The following PARVB variants were observed in gnomAD, a reference collection of about 807,000 sequenced individuals.
The protein encoded by PARVB is beta-parvin.
In PARVB, 46 loss-of-function variants were observed where a neutral mutation model predicts 47.0. The observed-to-expected ratio is 0.98, with a 90% CI of 0.77 to 1.25. The LOEUF is 1.25. PARVB is among the 50% of genes most tolerant of loss of function. The pLI is 0.00. For missense variants in PARVB, 473 were observed against 471.6 expected (o/e 1.00, Z -0.03); for synonymous variants, 196 against 196.3 (o/e 1.00, Z 0.01).
At position 44,155,616 on chromosome 22, in the gene PARVB, C is replaced by T. The variant is rs992159027; in HGVS notation, c.844-2366C>T. ...GGTGCCTTCATTCACGTGGCAGCTT[C>T]CATTCCCTGGAAGTTAGTCCATGGA... On this transcript the variant is annotated intron_variant, in intron 10 of 12. Coordinates refer to ENST00000338758, the MANE Select transcript of PARVB (RefSeq NM_013327.5). The surrounding 1 kb of genome is among the most constrained non-coding windows in gnomAD (Gnocchi z 4.8). Among the ~76,000 whole-genome samples the T allele has an allele frequency of 1.3e-5, 2 of 152,200 alleles. No homozygotes were observed. Among genetic ancestry groups the T allele is most frequent in the Non-Finnish European group, 2.9e-5 (2 of 68,038 alleles).
chr22:44,014,997 C>A (rs202081382), intron 2 of PARVB, among the ~76,000 whole-genome samples: 1 of 151,982 alleles, frequency 6.6e-6, no homozygotes, highest in East Asian at 1.9e-4. Flanking sequence ...ATTGTAGGTG[C>A]CCGCCACCAT....
intron 8 of PARVB, chr22:44,144,890 C>G (rs2147128149): frequency 6.6e-6 from 1 of 152,362 alleles, no homozygotes; most frequent in African/African-American, 2.4e-5. Flanking sequence ...CTGAGCATTC[C>G]TGCAGATTGA....
chr22:44,161,308 CTTTTTT>C (rs769442547), intron 11 of PARVB, among the ~76,000 whole-genome samples: 1 of 128,684 alleles, frequency 7.8e-6, no homozygotes, highest in African/African-American at 2.9e-5. Context: ...TTTTTCTTTT[CTTTTTT>C]TTTTTTTTTT....
chr22:44,090,906 T>A (rs1290299345), intron 1 of PARVB, among the ~76,000 whole-genome samples: 1 of 152,206 alleles, frequency 6.6e-6, no homozygotes, highest in Non-Finnish European at 1.5e-5. Context: ...TTTTCCCTGT[T>A]TCCTTTCTGC....
chr22:44,137,357 G>A (rs1248016953), intron 7 of PARVB, among the ~76,000 whole-genome samples: 2 of 152,238 alleles, frequency 1.3e-5, no homozygotes, highest in African/African-American at 4.8e-5. Flanking sequence ...GGAACAGGGA[G>A]AGCTGGAAAA....
chr22:44,077,878 A>G (rs1467553756), intron 1 of PARVB, among the ~76,000 whole-genome samples: 1 of 151,850 alleles, frequency 6.6e-6, no homozygotes, highest in East Asian at 1.9e-4. Flanking sequence ...TTGTGTTTTT[A>G]GTTGAGACGG....
Position 44,132,977 on chromosome 22 carries a change from G to A in PARVB, c.601G>A (p.Glu201Lys). ...CTTCAGGGCCCCCATCCGCCTTCCTGAGCATGTAACGGTGCAGGTGGTGGT... is the reference window on the plus strand; with the variant it reads ...CTTCAGGGCCCCCATCCGCCTTCCTAAGCATGTAACGGTGCAGGTGGTGGT... ...MHFRAPIRLPEHVTVQVVVVR... is the reference protein window; with the variant it reads ...MHFRAPIRLPKHVTVQVVVVR... The change falls in exon 6 of 13, where the codon GAG becomes AAG. Residue 201 changes from glutamate to lysine, a missense_variant. Glu to Lys is a moderately conservative substitution (Grantham distance 56). Coordinates refer to ENST00000338758, the MANE Select transcript of PARVB (RefSeq NM_013327.5). 1 of 1,614,042 alleles carries A rather than the reference G, an allele frequency of 6.2e-7. No homozygotes were observed. The highest frequency in any genetic ancestry group is 1.1e-5 in the South Asian group (1 of 91,066).
chr22:44,050,524 G>A (rs530215596), intron 1 of PARVB, among the ~76,000 whole-genome samples: 1 of 152,260 alleles, frequency 6.6e-6, no homozygotes, highest in South Asian at 2.1e-4. Flanking sequence ...TTTTAGTAGA[G>A]ATGGGGTTTC....
chr22:44,092,941 G>A (rs1250989309), intron 1 of PARVB, among the ~76,000 whole-genome samples: 1 of 152,218 alleles, frequency 6.6e-6, no homozygotes, highest in Non-Finnish European at 1.5e-5. Context: ...CTGTTTCATG[G>A]AGAAAGAGGT....
At chr22:44,123,070 C>T (rs1432595374) in intron 4 of PARVB, among the ~76,000 whole-genome samples, 1 of 152,222 alleles carries the variant, frequency 6.6e-6, no homozygotes, top group Non-Finnish European at 1.5e-5. Flanking sequence ...AGAGGCTTCA[C>T]CTCTCTCACC....
At chr22:44,154,881 T>G (rs895666474) in intron 10 of PARVB, among the ~76,000 whole-genome samples, 1 of 147,676 alleles carries the variant, frequency 6.8e-6, no homozygotes, top group Non-Finnish European at 1.5e-5. Context: ...GTGTGTGTGG[T>G]TTTTGTAGTC....
At chr22:44,123,286 G>A (rs1436803087) in intron 4 of PARVB, among the ~76,000 whole-genome samples, 2 of 152,254 alleles carry the variant, frequency 1.3e-5, no homozygotes, top group East Asian at 1.9e-4. Flanking sequence ...TGGCCCAGAT[G>A]AGAGCAGTTT....
At chr22:44,118,976 G>A in intron 3 of PARVB, 62 bp from the exon 4 acceptor site, 1 of 1,128,222 alleles carries the variant, frequency 8.9e-7, no homozygotes, top group Non-Finnish European at 1.4e-6. Flanking sequence ...CACTTTCCCT[G>A]GTCACTGCCT....
chr22:44,050,120 G>A (rs1044067540), intron 1 of PARVB, among the ~76,000 whole-genome samples: 17 of 152,198 alleles, frequency 1.1e-4, no homozygotes, highest in Admixed American at 1.1e-3. Flanking sequence ...CTAATCAGGA[G>A]GGCAGAGTCT....
In PARVB at chr22:44,168,648, C is replaced by A. The variant is rs1459172588; in HGVS notation, c.1065C>A (p.Asn355Lys). Residue 355 changes from asparagine to lysine, a missense_variant, in exon 13 of 13, where the codon AAC becomes AAA. Transcript: ENST00000338758. ...AATCCACCCTGAGGGTTCTTTACAA[C>A]CTGTTCACCAAGTACAAGAACGTGG... ...DLKSTLRVLYNLFTKYKNVE is the reference protein window; with the variant it reads ...DLKSTLRVLYKLFTKYKNVE 4 of 1,612,780 alleles carry A rather than the reference C, an allele frequency of 2.5e-6. No homozygotes were observed. In the South Asian group the frequency reaches 4.4e-5, roughly 18 times the overall value.
intron 1 of PARVB, among the ~76,000 whole-genome samples, chr22:44,082,261 G>C (rs1271003897): frequency 6.6e-6 from 1 of 152,188 alleles, no homozygotes; most frequent in Non-Finnish European, 1.5e-5. Context: ...GTTCGTGCCT[G>C]TAATCCCAGC....
At chr22:44,065,861 G>T (rs1233349341) in intron 1 of PARVB, among the ~76,000 whole-genome samples, 1 of 147,946 alleles carries the variant, frequency 6.8e-6, no homozygotes, top group Admixed American at 7.1e-5. Flanking sequence ...GTGTGTGCAT[G>T]TGTGTGTGTG....
intron 2 of PARVB, among the ~76,000 whole-genome samples, chr22:43,999,834 G>GA (rs113458130): frequency 0.014 from 983 of 69,318 alleles, 31 homozygotes; most frequent in East Asian, 0.021. Context: ...CCATCTATAT[G>GA]AAAAAAAAAA....
intron 1 of PARVB, among the ~76,000 whole-genome samples, chr22:44,079,583 TAAGCCATTC>T (rs2051853665): frequency 6.6e-6 from 1 of 152,226 alleles, no homozygotes; most frequent in African/African-American, 2.4e-5. Flanking sequence ...GCTGCTGTGC[TAAGCCATTC>T]TGAGAAGCCA....
Sources: gnomAD v4.1 joint callset for allele counts (sites outside exome capture counted in the v4.1 genomes callset) on GRCh38, gnomAD v4.1.1 for gene constraint, Gnocchi (gnomAD v3.1) non-coding constraint, MANE v1.5 for transcripts, NCBI Gene and HGNC (gene_info 2026-07-23, HGNC 2026-07-21) for gene names.